Variants in DNAH7 observed in about 807,000 individuals in gnomAD.
DNAH7 encodes the protein axonemal beta dynein heavy chain 7.
In DNAH7, 397 loss-of-function variants were observed where a neutral mutation model predicts 444.6. That is an observed-to-expected ratio of 0.89 (90% CI 0.82 to 0.97). The LOEUF (loss-of-function observed/expected upper bound fraction) is 0.97. Among genes scored for constraint, DNAH7 ranks in the 50% least tolerant of loss-of-function variants. The probability of loss-of-function intolerance (pLI) is 0.00; values close to 1 mark genes in which losing one functional copy is unlikely to be tolerated. For missense variants in DNAH7, 4,902 were observed against 4,800.8 expected (o/e 1.02, Z -0.62); for synonymous variants, 1,636 against 1,624.4 (o/e 1.01, Z -0.17).
At chr2:195,765,985 A>G (rs895718029) in intron 61 of DNAH7, among the ~76,000 whole-genome samples, 1 of 152,074 alleles carries the variant, frequency 6.6e-6, no homozygotes, top group Non-Finnish European at 1.5e-5. Flanking sequence ...GTGTCCATCA[A>G]CAAAGGAACA....
intron 46 of DNAH7, among the ~76,000 whole-genome samples, chr2:195,848,345 T>A (rs139659770): frequency 1.3e-5 from 2 of 152,378 alleles, no homozygotes; most frequent in Non-Finnish European, 2.9e-5. Context: ...CATGCCAGGT[T>A]ATGCATCTTT....
intron 19 of DNAH7, among the ~76,000 whole-genome samples, chr2:195,939,153 A>T (rs1689253841): frequency 6.6e-6 from 1 of 152,166 alleles, no homozygotes; most frequent in Non-Finnish European, 1.5e-5. Context: ...AGACACTTGA[A>T]GCGACCCTTT....
chr2:196,035,003 G>A (rs2125809258), intron 5 of DNAH7, among the ~76,000 whole-genome samples: 1 of 152,304 alleles, frequency 6.6e-6, no homozygotes, highest in African/African-American at 2.4e-5. Context: ...CCAACATGGT[G>A]AAACCTCATC....
intron 53 of DNAH7, among the ~76,000 whole-genome samples, chr2:195,807,041 A>C (rs1025772884): frequency 6.6e-6 from 1 of 152,218 alleles, no homozygotes; most frequent in African/African-American, 2.4e-5. Flanking sequence ...GACATGAACT[A>C]ATCAGGTTAA....
chr2:196,021,516 A>G (rs1172643518), intron 8 of DNAH7, among the ~76,000 whole-genome samples: 2 of 152,274 alleles, frequency 1.3e-5, no homozygotes, highest in South Asian at 2.1e-4. Flanking sequence ...CAATGGCATT[A>G]TATCTTTAAA....
At chr2:195,940,252 G>A (rs1328244053) in intron 19 of DNAH7, among the ~76,000 whole-genome samples, 1 of 152,060 alleles carries the variant, frequency 6.6e-6, no homozygotes, top group Admixed American at 6.6e-5. Flanking sequence ...TGACAAACCT[G>A]ATAAAAACAA....
At chr2:195,856,395 T>C (rs938813492) in intron 44 of DNAH7, among the ~76,000 whole-genome samples, 1 of 152,178 alleles carries the variant, frequency 6.6e-6, no homozygotes, top group African/African-American at 2.4e-5. Flanking sequence ...CAAAAACAGT[T>C]ATCCTATAAA....
At chr2:195,988,781 A>T (rs1574959286) in intron 12 of DNAH7, among the ~76,000 whole-genome samples, 2 of 151,638 alleles carry the variant, frequency 1.3e-5, no homozygotes, top group Non-Finnish European at 2.9e-5. Context: ...ACCAGAACTT[A>T]CTCCTCCCAT....
chr2:196,047,376 C>T lies in DNAH7; in HGVS notation c.374G>A (p.Arg125Lys). Residue 125 changes from arginine (R) to lysine (K), a missense_variant, in exon 5 of 65, where the codon AGA becomes AAA. Coordinates refer to ENST00000312428, the MANE Select transcript of DNAH7 (RefSeq NM_018897.3). ...KSPHKERENFRSTLVNVIMQQ... is the reference protein window; with the variant it reads ...KSPHKERENFKSTLVNVIMQQ... ...CATAATGACATTAACAAGAGTACTTCTAAAGTTTTCTCGTTCTTTATGTGG... is the reference window on the plus strand; with the variant it reads ...CATAATGACATTAACAAGAGTACTTTTAAAGTTTTCTCGTTCTTTATGTGG... The T allele has an allele frequency of 6.3e-7, 1 of 1,597,586 alleles. No individual in the cohort carries two copies.
chr2:195,753,122 C>G (rs1350626434), intron 63 of DNAH7, among the ~76,000 whole-genome samples: 1 of 151,994 alleles, frequency 6.6e-6, no homozygotes, highest in East Asian at 1.9e-4. Context: ...AGGAGCAAAG[C>G]CCTTGAGAAG....
intron 47 of DNAH7, among the ~76,000 whole-genome samples, chr2:195,838,173 C>T (rs1698482069): frequency 6.6e-6 from 1 of 152,040 alleles, no homozygotes; most frequent in African/African-American, 2.4e-5. Flanking sequence ...TGCAACATCA[C>T]CCACAGAAGG....
At chr2:195,926,153 G>A (rs1175991938) in intron 22 of DNAH7, among the ~76,000 whole-genome samples, 1 of 152,034 alleles carries the variant, frequency 6.6e-6, no homozygotes, top group Non-Finnish European at 1.5e-5. Context: ...GGCATAAAAT[G>A]TATATAATAA....
chr2:195,883,008 G>A (rs1182898474), intron 35 of DNAH7, among the ~76,000 whole-genome samples: 2 of 151,708 alleles, frequency 1.3e-5, no homozygotes, highest in Non-Finnish European at 2.9e-5. Context: ...TTTTTTTTTC[G>A]GGGTGTTAAA....
intron 15 of DNAH7, among the ~76,000 whole-genome samples, chr2:195,977,352 GAC>G (rs1692278502): frequency 6.6e-6 from 1 of 152,102 alleles, no homozygotes; most frequent in African/African-American, 2.4e-5. Context: ...AAATGTAATT[GAC>G]ATACTGAAGA....
chr2:195,945,218 G>T (rs1689718224), intron 19 of DNAH7, among the ~76,000 whole-genome samples: 1 of 152,094 alleles, frequency 6.6e-6, no homozygotes, highest in African/African-American at 2.4e-5. Flanking sequence ...TCACTGGAAA[G>T]CCTAGGGGAG....
intron 10 of DNAH7, among the ~76,000 whole-genome samples, chr2:196,005,315 T>C (rs963755479): frequency 1.3e-5 from 2 of 149,910 alleles, no homozygotes; most frequent in African/African-American, 4.9e-5. Context: ...AAAATATATA[T>C]ATATATATAA....
At chr2:195,769,415 C>T (rs1694736350) in intron 61 of DNAH7, among the ~76,000 whole-genome samples, 1 of 151,840 alleles carries the variant, frequency 6.6e-6, no homozygotes, top group African/African-American at 2.4e-5. Flanking sequence ...ATTAACCCCT[C>T]TGCTGAGAAT....
intron 24 of DNAH7, among the ~76,000 whole-genome samples, chr2:195,920,953 CAT>C (rs757938645): frequency 7.9e-5 from 12 of 152,216 alleles, no homozygotes; most frequent in Admixed American, 3.3e-4. Flanking sequence ...GGCCAACAAA[CAT>C]ATGAAAAAAT....
At chr2:195,999,154 T>C (rs202207704) in intron 12 of DNAH7, 1 of 717,228 alleles carries the variant, frequency 1.4e-6, no homozygotes, top group Admixed American at 2.0e-5. Flanking sequence ...AAAATGAGAG[T>C]TCTGAGGAGA....
Sources: gnomAD v4.1 joint callset for allele counts (sites outside exome capture counted in the v4.1 genomes callset) on GRCh38, gnomAD v4.1.1 for gene constraint, MANE v1.5 for transcripts, NCBI Gene and HGNC (gene_info 2026-07-23, HGNC 2026-07-21) for gene names.